The following SPTBN5 variants were observed in gnomAD, a reference collection of about 807,000 sequenced individuals.
The protein encoded by SPTBN5 is spectrin beta chain, non-erythrocytic 5.
Under a neutral mutation model 477.6 loss-of-function variants are expected in SPTBN5, and 513 were observed. That is an observed-to-expected ratio of 1.07 (90% CI 1.00 to 1.16). The LOEUF is 1.16. SPTBN5 is among the 50% of genes most tolerant of loss of function. SPTBN5 has a pLI of 0.00. For missense variants in SPTBN5, 5,062 were observed against 4,731.8 expected (o/e 1.07, Z -2.05); for synonymous variants, 2,169 against 2,011.7 (o/e 1.08, Z -2.09).
intron 39 of SPTBN5, 38 bp from the exon 40 acceptor site, chr15:41,864,062 C>T (rs775533547): frequency 4.6e-6 from 7 of 1,519,480 alleles, no homozygotes; most frequent in Middle Eastern, 3.6e-4. Flanking sequence ...TGGCACCCCC[C>T]ATGCAGAGCC....
chr15:41,868,910 G>A (rs2066434998), intron 32 of SPTBN5, among the ~76,000 whole-genome samples: 1 of 152,190 alleles, frequency 6.6e-6, no homozygotes, highest in African/African-American at 2.4e-5. Context: ...GAGGACTGGC[G>A]GCTAGCAAGA....
intron 46 of SPTBN5, 22 bp from the exon 47 acceptor site, chr15:41,860,780 A>G (rs2066079289): frequency 3.3e-6 from 5 of 1,527,862 alleles, no homozygotes; most frequent in Non-Finnish European, 4.4e-6. Context: ...GGGGAACCCA[A>G]TACTGTCCAT....
At position 41,857,576 on chromosome 15, in the gene SPTBN5, A is replaced by G. The variant is rs773169435; in HGVS notation, c.8361T>C (p.Cys2787=). 6.2e-7 allele frequency: 1 copy of G among 1,609,740 alleles called. No homozygotes were observed. Among genetic ancestry groups the G allele is most frequent in the South Asian group, 1.1e-5 (1 of 90,158 alleles). ...QKKVAKLQKA[C]EALRLRRSME... ...CCCTCGGCCTGCACAACCTCACCTC[A>G]CAGGCCTTCTGGAGCTTGGCCACCT... is the stretch of plus-strand genomic sequence containing the variant. Residue 2787 remains cysteine (C), a synonymous_variant, in exon 50 of 68, where the codon TGT becomes TGC. Coordinates refer to ENST00000320955, the MANE Select transcript of SPTBN5 (RefSeq NM_016642.4).
At position 41,860,698 on chromosome 15, in the gene SPTBN5, C is replaced by T. The variant is rs772528007; in HGVS notation, c.7876G>A (p.Glu2626Lys). 4.4e-6 allele frequency: 7 copies of T among 1,598,710 alleles called. No individual in the cohort carries two copies. The highest frequency in any genetic ancestry group is 6.0e-6 in the Non-Finnish European group (7 of 1,173,444). The change falls in exon 47 of 68, where the codon GAG becomes AAG. Residue 2626 changes from glutamate to lysine, a missense_variant. Transcript: ENST00000320955. ...GCACTGATCTTTCCCGCCTGCACCT[C>T]CAGGTCCCACTCCAGCATCTTGTGC... ...WKHKMLEWDL[E>K]VQAGKISALE...
chr15:41,861,054 T>G (rs745634278), intron 46 of SPTBN5, among the ~76,000 whole-genome samples: 30 of 152,260 alleles, frequency 2.0e-4, no homozygotes, highest in Non-Finnish European at 8.8e-5. Flanking sequence ...TAGTCCCCAG[T>G]TATCCTCTGA....
chr15:41,861,321 G>C (rs2278965), intron 46 of SPTBN5, 98 bp downstream of exon 46: 204,391 of 1,079,082 alleles, frequency 0.19, 20,434 homozygotes, highest in South Asian at 0.25. Flanking sequence ...CGAAGGGGAG[G>C]ATCCCTGGCC....
chr15:41,851,755 G>A (rs758612741), intron 63 of SPTBN5, 24 bp downstream of exon 63: 1 of 1,588,456 alleles, frequency 6.3e-7, no homozygotes, highest in Non-Finnish European at 8.6e-7. Flanking sequence ...GAGCTGCCTG[G>A]AGAAGGAATC....
intron 6 of SPTBN5, 85 bp from the exon 7 acceptor site, chr15:41,886,451 G>A: frequency 7.0e-7 from 1 of 1,428,554 alleles, no homozygotes; most frequent in Non-Finnish European, 9.3e-7. Context: ...AGTTCCCCAG[G>A]TGGGCTGTAG....
chr15:41,851,111 G>T lies in SPTBN5; in HGVS notation c.10783C>A (p.Arg3595=), dbSNP rs199856702. 2.7e-4 allele frequency: 435 copies of T among 1,613,108 alleles called. 1 individual carries two copies. Among genetic ancestry groups the T allele is most frequent in the Non-Finnish European group, 3.6e-4 (423 of 1,179,820 alleles). The change falls in exon 65 of 68, where the codon CGG becomes AGG. Residue 3595 remains arginine, a synonymous_variant. Transcript: ENST00000320955. ...TGGCGGCCCCGCAGCCTCTCACACC[G>T]GGCTCCCGTGAGGTCAAGGAGGGCT... is the stretch of plus-strand genomic sequence containing the variant. The part of the protein sequence containing the change: ...SIALLDLTGA[R]CERLRGRHGR...
chr15:41,865,433 A>G (rs1595465965), intron 39 of SPTBN5, among the ~76,000 whole-genome samples: 1 of 152,210 alleles, frequency 6.6e-6, no homozygotes, highest in Non-Finnish European at 1.5e-5. Context: ...ATCCTATATA[A>G]TGATAACATT....
chr15:41,849,486 G>A (rs984334281), intron 67 of SPTBN5, among the ~76,000 whole-genome samples: 1 of 152,156 alleles, frequency 6.6e-6, no homozygotes, highest in African/African-American at 2.4e-5. Flanking sequence ...GGGGAGAGGA[G>A]GGAGGAAAGT....
intron 4 of SPTBN5, 123 bp from the exon 5 acceptor site, chr15:41,888,208 T>C: frequency 2.2e-6 from 2 of 919,318 alleles, no homozygotes; most frequent in East Asian, 2.6e-5. Context: ...CCGGGGCCAG[T>C]GTGACTCTCC....
chr15:41,849,976 T>C lies in SPTBN5; in HGVS notation c.10922-17A>G. The C allele has an allele frequency of 6.4e-7, 1 of 1,566,436 alleles. No homozygotes were observed. Among genetic ancestry groups the C allele is most frequent in the Non-Finnish European group, 8.7e-7 (1 of 1,153,680 alleles). On this transcript the variant is annotated splice_polypyrimidine_tract_variant and intron_variant, in intron 66 of 67. Transcript: ENST00000320955. ...GACTCTGGGCTGCAGAGCAAGGGAA[T>C]AACCACTGTTAGCCCGGCCCAGACC...
intron 4 of SPTBN5, among the ~76,000 whole-genome samples, chr15:41,888,647 A>T (rs2067224679): frequency 6.6e-6 from 1 of 152,202 alleles, no homozygotes; most frequent in Non-Finnish European, 1.5e-5. Context: ...TTTTAGTTGG[A>T]ACGGGGTTTC....
In SPTBN5 at chr15:41,871,793, C is replaced by T. The variant is rs896488903; in HGVS notation, c.5290G>A (p.Glu1764Lys). The change falls in exon 28 of 68, where the codon GAG (glutamate) becomes AAG (lysine). Residue 1764 changes from glutamate (E) to lysine (K), a missense_variant. Physicochemically the swap from Glu to Lys is moderately conservative, Grantham distance 56. Coordinates refer to ENST00000320955, the MANE Select transcript of SPTBN5 (RefSeq NM_016642.4). ...GGCCCTCTTCTCACCAGGGCGTGCT[C>T]GGGGTCCTCTCCCAGGCTCTCCCCT... is the stretch of plus-strand genomic sequence containing the variant. ...KGGESLGEDP[E>K]HALHLCTKFA... The T allele has an allele frequency of 1.3e-6, 2 of 1,588,186 alleles. No homozygotes were observed. The highest frequency in any genetic ancestry group is 2.3e-5 in the East Asian group (1 of 43,416).
intron 45 of SPTBN5, 73 bp downstream of exon 45, chr15:41,861,662 C>A: frequency 6.6e-7 from 1 of 1,506,270 alleles, no homozygotes; most frequent in Non-Finnish European, 8.9e-7. Context: ...TTAGCCTTGA[C>A]CAGAGGCTGT....
rs773695246 is a variant in SPTBN5 at position 41,855,292 on chromosome 15, C to A, written c.9355G>T (p.Ala3119Ser). ...QLERETLLLDAWLTTKAATAE... is the reference protein window; with the variant it reads ...QLERETLLLDSWLTTKAATAE... ...GTGGCCGCCTTGGTGGTCAGCCAGG[C>A]GTCGAGGAGCAGGGTCTCTCGCTCC... The change falls in exon 55 of 68, where the codon GCC (alanine) becomes TCC (serine). Residue 3119 changes from alanine to serine, a missense_variant. Physicochemically the swap from Ala to Ser is moderately conservative, Grantham distance 99. Transcript: ENST00000320955. 3 of 1,611,824 alleles carry A rather than the reference C, an allele frequency of 1.9e-6. No individual in the cohort carries two copies. Among genetic ancestry groups the A allele is most frequent in the Admixed American group, 3.3e-5 (2 of 59,978 alleles).
Position 41,856,964 on chromosome 15 carries a change from G to C in SPTBN5, c.8697C>G (p.Phe2899Leu). 6.3e-7 allele frequency: 1 copy of C among 1,597,704 alleles called. No homozygotes were observed. Among genetic ancestry groups the C allele is most frequent in the Non-Finnish European group, 8.5e-7 (1 of 1,172,898 alleles). Reference protein sequence around the residue: ...LEARSLLLKFFRDADEEMAWV... With the variant: ...LEARSLLLKFLRDADEEMAWV... The stretch of plus-strand genomic sequence containing the variant: ...AGGCCATTTCCTCGTCGGCGTCCCT[G>C]AAGAACTTCAAGAGGAGGCTCCGGG... Residue 2899 changes from phenylalanine to leucine, a missense_variant, in exon 52 of 68, where the codon TTC (phenylalanine) becomes TTG (leucine). Phe to Leu is a conservative substitution (Grantham distance 22, BLOSUM62 0). Coordinates refer to ENST00000320955, the MANE Select transcript of SPTBN5 (RefSeq NM_016642.4).
rs542321631 is a variant in SPTBN5 at position 41,872,973 on chromosome 15, G to A, written c.5008-514C>T. ...AGTGACAGCAGGAACCGGGACTGCC[G>A]TGGGCTCCAGGCTTTGAAGCTTGTG... is the stretch of plus-strand genomic sequence containing the variant. On this transcript the variant is annotated intron_variant, in intron 26 of 67. Coordinates refer to ENST00000320955, the MANE Select transcript of SPTBN5 (RefSeq NM_016642.4). Among the ~76,000 whole-genome samples, 59 of 152,342 alleles carry A rather than the reference G, an allele frequency of 3.9e-4. 1 individual carries two copies. The highest frequency in any genetic ancestry group is 5.1e-4 in the Non-Finnish European group (35 of 68,032).
Sources: allele counts gnomAD v4.1 joint callset (sites outside exome capture counted in the v4.1 genomes callset), GRCh38; gene constraint gnomAD v4.1.1; transcripts MANE v1.5; gene names NCBI Gene and HGNC (gene_info 2026-07-23, HGNC 2026-07-21).